ABCA12: variants seen among roughly 807,000 people sequenced by gnomAD.
ABCA12 encodes the protein ATP binding cassette subfamily A member 12.
In ABCA12, 156 loss-of-function variants were observed where a neutral mutation model predicts 293.5. That is an observed-to-expected ratio of 0.53 (90% CI 0.47 to 0.61). The LOEUF (loss-of-function observed/expected upper bound fraction) is 0.61. Among genes scored for constraint, ABCA12 ranks in the 20% least tolerant of loss-of-function variants. ABCA12 has a pLI of 0.00. For missense variants in ABCA12, 2,797 were observed against 3,090.2 expected (o/e 0.91, Z 2.25); for synonymous variants, 1,063 against 1,108.0 (o/e 0.96, Z 0.81).
intron 21 of ABCA12, among the ~76,000 whole-genome samples, 173 bp downstream of exon 21, chr2:215,001,385 A>G (rs1034957610): frequency 5.9e-5 from 9 of 152,224 alleles, no homozygotes; most frequent in Admixed American, 1.3e-4. Context: ...AAAATTAGAC[A>G]TACTTAGAGA....
At chr2:215,070,653 T>C (rs1224846817) in intron 2 of ABCA12, among the ~76,000 whole-genome samples, 1 of 151,080 alleles carries the variant, frequency 6.6e-6, no homozygotes, top group East Asian at 2.0e-4. Flanking sequence ...TTTGTCCTTG[T>C]GATAGTTTAC....
chr2:214,932,506 G>C lies in ABCA12; in HGVS notation c.*128C>G. ...TATAATTACTTGTTAGTCTAACACA[G>C]TTGTAACTTTCCATACAGTATATTA... On this transcript the variant is annotated 3_prime_UTR_variant, in exon 53 of 53. Transcript: ENST00000272895. 1.3e-6 allele frequency: 1 copy of C among 786,626 alleles called. No homozygotes were observed. The highest frequency in any genetic ancestry group is 1.5e-5 in the South Asian group (1 of 65,272). 48.7% of individuals were successfully genotyped at this position (786,626 alleles called of 1,614,324 possible).
chr2:214,982,728 G>A (rs1335537495), intron 29 of ABCA12, among the ~76,000 whole-genome samples: 1 of 152,062 alleles, frequency 6.6e-6, no homozygotes, highest in African/African-American at 2.4e-5. Flanking sequence ...TATGTACTTG[G>A]GAAAAGCAGT....
intron 2 of ABCA12, among the ~76,000 whole-genome samples, chr2:215,081,048 G>T (rs1226340347): frequency 1.6e-4 from 24 of 152,082 alleles, no homozygotes; most frequent in Non-Finnish European, 2.9e-5. Context: ...ATAGTTTTAT[G>T]ATGCCAGTTT....
At chr2:214,936,352 A>G (rs2209658) in intron 51 of ABCA12, among the ~76,000 whole-genome samples, 1 of 152,310 alleles carries the variant, frequency 6.6e-6, no homozygotes, top group Middle Eastern at 3.4e-3. Context: ...TCACCCATGA[A>G]TAGTGGGACA....
chr2:215,037,974 T>C (rs190591901), intron 7 of ABCA12, among the ~76,000 whole-genome samples: 1 of 152,284 alleles, frequency 6.6e-6, no homozygotes, highest in Non-Finnish European at 1.5e-5. Flanking sequence ...TCTAGTTTCT[T>C]AGTAAACTCA....
In ABCA12 at chr2:214,932,714, T is replaced by C. The variant is rs755873537; in HGVS notation, c.7708A>G (p.Lys2570Glu). The change falls in exon 53 of 53, where the codon AAG becomes GAG. Residue 2570 changes from lysine (K) to glutamate (E), a missense_variant. Coordinates refer to ENST00000272895, the MANE Select transcript of ABCA12 (RefSeq NM_173076.3). ...CTGGTATCAGCAGTTTCATAGGACT[T>C]CTGGTCTTTGGCAAAGTTGATGAAA... ...EVFINFAKDQ[K>E]SYETADTSSQ... 2 of 1,613,518 alleles carry C rather than the reference T, an allele frequency of 1.2e-6. No individual in the cohort carries two copies. The highest frequency in any genetic ancestry group is 2.7e-5 in the African/African-American group (2 of 74,880).
intron 4 of ABCA12, 111 bp from the exon 5 acceptor site, chr2:215,052,695 G>T: frequency 2.2e-6 from 2 of 922,710 alleles, no homozygotes; most frequent in Non-Finnish European, 3.5e-6. Context: ...CTACAGCAAG[G>T]ATGTGCTCAA....
At chr2:214,947,371 G>T (rs1446611255) in intron 48 of ABCA12, 51 bp downstream of exon 48, 1 of 1,610,458 alleles carries the variant, frequency 6.2e-7, no homozygotes, top group Non-Finnish European at 8.5e-7. Flanking sequence ...CATGCAATCA[G>T]ATATGCTGTT....
chr2:214,947,370 A>G, intron 48 of ABCA12, 52 bp downstream of exon 48: 1 of 1,610,230 alleles, frequency 6.2e-7, no homozygotes, highest in South Asian at 1.1e-5. Flanking sequence ...ACATGCAATC[A>G]GATATGCTGT....
intron 3 of ABCA12, among the ~76,000 whole-genome samples, chr2:215,055,362 C>G (rs886362729): frequency 1.3e-5 from 2 of 152,022 alleles, no homozygotes; most frequent in Non-Finnish European, 2.9e-5. Context: ...AATTAGTAAC[C>G]CCCTCTTTTC....
chr2:215,016,871 A>G (rs1442333231), intron 14 of ABCA12, among the ~76,000 whole-genome samples: 2 of 152,142 alleles, frequency 1.3e-5, no homozygotes, highest in Admixed American at 6.5e-5. Flanking sequence ...AAAAGCGTAT[A>G]ACATTCAAGG....
intron 8 of ABCA12, 62 bp from the exon 9 acceptor site, chr2:215,031,958 C>T (rs772736499): frequency 3.1e-6 from 5 of 1,607,204 alleles, no homozygotes; most frequent in South Asian, 1.1e-5. Context: ...TTTTTTTCCT[C>T]AGTGAAAACC....
Position 215,137,717 on chromosome 2 carries a change from C to T in ABCA12, c.69+423G>A, listed in dbSNP as rs377085807. 1.9e-4 allele frequency among the ~76,000 whole-genome samples: 29 copies of T among 152,198 alleles called. 1 individual carries two copies. The highest frequency in any genetic ancestry group is 7.0e-4 in the African/African-American group (29 of 41,464). ...TTCTGTATTTTACCTTTCAACCAAA[C>T]TTTCTATGGCTTTCAGTTTTCCAGT... On this transcript the variant is annotated intron_variant, in intron 1 of 52. Coordinates refer to ENST00000272895, the MANE Select transcript of ABCA12 (RefSeq NM_173076.3).
chr2:215,071,674 A>G lies in ABCA12; in HGVS notation c.164-7455T>C, dbSNP rs529962913. Among the ~76,000 whole-genome samples the G allele has an allele frequency of 1.7e-4, 26 of 152,294 alleles. No individual in the cohort carries two copies. The South Asian group carries it at 5.2e-3, about 30-fold the overall frequency. ...TGCCATCTCACAGGGCACAGGGAAG[A>G]TCAATTAGGCAATGCTTGTGTAAGG... On this transcript the variant is annotated intron_variant, in intron 2 of 52. Coordinates refer to ENST00000272895, the MANE Select transcript of ABCA12 (RefSeq NM_173076.3).
Position 215,031,908 on chromosome 2 carries a change from A to G in ABCA12, c.986-12T>C. 1 of 1,613,366 alleles carries G rather than the reference A, an allele frequency of 6.2e-7. No homozygotes were observed. Among genetic ancestry groups the G allele is most frequent in the Non-Finnish European group, 8.5e-7 (1 of 1,179,780 alleles). ...ATTATCGGAGTCACCTGAAGTAATA[A>G]TTTTTATATAGGTAAACATTTAACA... On this transcript the variant is annotated splice_polypyrimidine_tract_variant and intron_variant, in intron 8 of 52. Coordinates refer to ENST00000272895, the MANE Select transcript of ABCA12 (RefSeq NM_173076.3).
At chr2:214,963,991 TA>T (rs1699188877) in intron 39 of ABCA12, among the ~76,000 whole-genome samples, 1 of 139,614 alleles carries the variant, frequency 7.2e-6, no homozygotes, top group Non-Finnish European at 1.6e-5. Context: ...AAATTCTCAA[TA>T]AAACACTGGC....
chr2:215,042,943 T>C (rs190496334), intron 7 of ABCA12, among the ~76,000 whole-genome samples: 1 of 152,272 alleles, frequency 6.6e-6, no homozygotes, highest in East Asian at 1.9e-4. Flanking sequence ...TTATGTAGTA[T>C]TTGTCTTTCT....
At chr2:215,031,744 C>T (rs913428698) in intron 9 of ABCA12, 77 bp downstream of exon 9, 26 of 1,570,672 alleles carry the variant, frequency 1.7e-5, no homozygotes, top group African/African-American at 1.6e-4. Flanking sequence ...CACTGATAAG[C>T]GAATTATGTT....
Sources: gnomAD v4.1 joint callset for allele counts (sites outside exome capture counted in the v4.1 genomes callset) on GRCh38, gnomAD v4.1.1 for gene constraint, MANE v1.5 for transcripts, NCBI Gene and HGNC (gene_info 2026-07-23, HGNC 2026-07-21) for gene names.